ROR2: variants seen among roughly 807,000 people sequenced by gnomAD.
ROR2 encodes the protein ROR family WNT receptor 2.
A neutral mutation model predicts 74.9 loss-of-function variants in ROR2; 33 were observed. That is an observed-to-expected ratio of 0.44 (90% CI 0.33 to 0.59). ROR2 has a LOEUF of 0.59. ROR2 is among the 20% of genes least tolerant of loss of function. ROR2 has a pLI of 0.02. For missense variants in ROR2, 1,216 were observed against 1,313.8 expected (o/e 0.93, Z 1.15); for synonymous variants, 586 against 558.7 (o/e 1.05, Z -0.69).
At chr9:91,925,203 G>A (rs1055346805) in intron 1 of ROR2, among the ~76,000 whole-genome samples, 1 of 152,104 alleles carries the variant, frequency 6.6e-6, no homozygotes, top group African/African-American at 2.4e-5. Flanking sequence ...CAGTGGTCCA[G>A]AGACACCACT....
chr9:91,723,640 G>A lies in ROR2; in HGVS notation c.*22C>T, dbSNP rs758447257. 24 of 1,610,896 alleles carry A rather than the reference G, an allele frequency of 1.5e-5. No homozygotes were observed. The highest frequency in any genetic ancestry group is 2.2e-5 in the East Asian group (1 of 44,878). On this transcript the variant is annotated 3_prime_UTR_variant, in exon 9 of 9. Coordinates refer to ENST00000375708, the MANE Select transcript of ROR2 (RefSeq NM_004560.4). ...GGGTCTCGGCGGGGCTTCTATCCCC[G>A]AACCCCGGGCCCTGGTGCCACTCAA... is the stretch of plus-strand genomic sequence containing the variant.
At chr9:91,798,674 A>T (rs1827272987) in intron 1 of ROR2, among the ~76,000 whole-genome samples, 1 of 149,590 alleles carries the variant, frequency 6.7e-6, no homozygotes, top group African/African-American at 2.5e-5. Context: ...GGTGGGGCTG[A>T]CACCCTGGGC....
chr9:91,851,109 T>C (rs1408179697), intron 1 of ROR2, among the ~76,000 whole-genome samples: 1 of 152,052 alleles, frequency 6.6e-6, no homozygotes, highest in African/African-American at 2.4e-5. Flanking sequence ...TCCCAGCACT[T>C]TGGGAGGCCG....
At chr9:91,817,961 C>T (rs1828002116) in intron 1 of ROR2, among the ~76,000 whole-genome samples, 1 of 152,138 alleles carries the variant, frequency 6.6e-6, no homozygotes, top group Admixed American at 6.5e-5. Context: ...GAAAGGGAGC[C>T]TCAACACGCT....
At chr9:91,928,013 A>T (rs1166374574) in intron 1 of ROR2, among the ~76,000 whole-genome samples, 1 of 152,124 alleles carries the variant, frequency 6.6e-6, no homozygotes. Context: ...TCCTAGAGAC[A>T]GCAAAGGGCC....
chr9:91,741,341 T>TAATAATAATAAA (rs1554754480), intron 4 of ROR2, among the ~76,000 whole-genome samples: 4 of 132,986 alleles, frequency 3.0e-5, no homozygotes, highest in South Asian at 2.5e-4. Context: ...ATAATAATAA[T>TAATAATAATAAA]AAAATAATGA....
At chr9:91,818,028 T>C (rs529884109) in intron 1 of ROR2, among the ~76,000 whole-genome samples, 1 of 152,314 alleles carries the variant, frequency 6.6e-6, no homozygotes, top group African/African-American at 2.4e-5. Context: ...AGAGCGGTGA[T>C]CACATGAGCC....
intron 7 of ROR2, among the ~76,000 whole-genome samples, chr9:91,728,088 G>C (rs1315347693): frequency 6.6e-6 from 1 of 152,124 alleles, no homozygotes; most frequent in Non-Finnish European, 1.5e-5. Flanking sequence ...GGAGAGTCCA[G>C]GCCACTCTCA....
At chr9:91,914,742 ATT>A (rs1398760523) in intron 1 of ROR2, among the ~76,000 whole-genome samples, 1 of 152,136 alleles carries the variant, frequency 6.6e-6, no homozygotes, top group Non-Finnish European at 1.5e-5. Flanking sequence ...GGCAACCGTG[ATT>A]GCCACGGCAG....
At chr9:91,839,279 T>TAAGTACAGGC (rs1161371079) in intron 1 of ROR2, among the ~76,000 whole-genome samples, 11 of 136,590 alleles carry the variant, frequency 8.1e-5, no homozygotes, top group South Asian at 4.5e-4. Context: ...TGTGTGTGTG[T>TAAGTACAGGC]GTGTGTGTGT....
intron 1 of ROR2, among the ~76,000 whole-genome samples, chr9:91,924,905 C>T (rs1434997554): frequency 1.3e-5 from 2 of 152,258 alleles, no homozygotes; most frequent in South Asian, 2.1e-4. Flanking sequence ...AGTGCAGTGG[C>T]ACAATCATAC....
intron 1 of ROR2, among the ~76,000 whole-genome samples, chr9:91,802,303 G>A (rs982674802): frequency 9.9e-5 from 15 of 151,806 alleles, no homozygotes; most frequent in African/African-American, 3.4e-4. Context: ...GTCTCGATCT[G>A]CTGACCTCAT....
At position 91,724,583 on chromosome 9, in the gene ROR2, G is replaced by A; in HGVS notation, c.1911C>T (p.Phe637=). 1.2e-6 allele frequency: 2 copies of A among 1,614,064 alleles called. No individual in the cohort carries two copies. The highest frequency in any genetic ancestry group is 1.7e-6 in the Non-Finnish European group (2 of 1,179,998). ...LNVKISDLGL[F]REVYAADYYK... ...AGTAATCGGCGGCATACACCTCTCGGAAGAGGCCCAAGTCTGAGATCTTCA... is the reference window on the plus strand; with the variant it reads ...AGTAATCGGCGGCATACACCTCTCGAAAGAGGCCCAAGTCTGAGATCTTCA... The change falls in exon 9 of 9, where the codon TTC becomes TTT. Residue 637 remains phenylalanine (F), a synonymous_variant. Transcript: ENST00000375708.
At chr9:91,934,628 C>T (rs1831634713) in intron 1 of ROR2, among the ~76,000 whole-genome samples, 1 of 152,132 alleles carries the variant, frequency 6.6e-6, no homozygotes. Flanking sequence ...TTTTAAACAG[C>T]TGAGTTTTTA....
At position 91,771,722 on chromosome 9, in the gene ROR2, T is replaced by TTCTCTCTCTC. The variant is rs34716594; in HGVS notation, c.175+4009_175+4018dup. 3.9e-3 allele frequency among the ~76,000 whole-genome samples: 585 copies of TTCTCTCTCTC among 150,866 alleles called. 6 individuals are homozygous for TTCTCTCTCTC. The highest frequency in any genetic ancestry group is 6.2e-4 in the Non-Finnish European group (42 of 67,586). ...TCTCTCTCTCTCTCTCCTCTCTCTC[T>TTCTCTCTCTC]TCTCTCTCTCTCTCTCGATACCATC... On this transcript the variant is annotated intron_variant, in intron 2 of 8. Transcript: ENST00000375708.
intron 4 of ROR2, among the ~76,000 whole-genome samples, chr9:91,749,271 G>A (rs575197615): frequency 2.6e-5 from 4 of 152,274 alleles, no homozygotes; most frequent in East Asian, 3.9e-4. Flanking sequence ...TATCATAGAC[G>A]GTGGCTTAAG....
At chr9:91,838,048 G>C (rs1828665904) in intron 1 of ROR2, among the ~76,000 whole-genome samples, 1 of 152,106 alleles carries the variant, frequency 6.6e-6, no homozygotes, top group African/African-American at 2.4e-5. Context: ...TTGACGTCTA[G>C]CTTTTACTGC....
chr9:91,788,824 G>A (rs1042006892), intron 1 of ROR2, among the ~76,000 whole-genome samples: 8 of 146,032 alleles, frequency 5.5e-5, no homozygotes, highest in Admixed American at 2.1e-4. Context: ...AGATGGTGCC[G>A]CACTCCAGCC....
intron 2 of ROR2, among the ~76,000 whole-genome samples, chr9:91,763,937 G>A (rs144289653): frequency 2.0e-4 from 31 of 152,316 alleles, no homozygotes; most frequent in African/African-American, 7.0e-4. Flanking sequence ...GTCCACATAT[G>A]CGTAGTAAGA....
Sources: allele counts gnomAD v4.1 joint callset (sites outside exome capture counted in the v4.1 genomes callset), GRCh38; gene constraint gnomAD v4.1.1; transcripts MANE v1.5; gene names NCBI Gene and HGNC (gene_info 2026-07-23, HGNC 2026-07-21).